Variants in ARIH1 observed in about 807,000 individuals in gnomAD.
ARIH1 encodes ariadne RBR E3 ubiquitin protein ligase 1.
ARIH1 carries 8 observed loss-of-function variants against 85.0 expected under a neutral mutation model. The ratio of observed to expected loss-of-function variants is 0.09; its 90% CI spans 0.06 to 0.17. The LOEUF (loss-of-function observed/expected upper bound fraction) is 0.17, where lower values mean the gene tolerates loss of function less well. Among genes scored for constraint, ARIH1 ranks in the 10% least tolerant of loss-of-function variants. The pLI, the probability that ARIH1 is intolerant of heterozygous loss-of-function variation, is 1.00. For synonymous variants in ARIH1, 238 were observed against 253.6 expected, an observed-to-expected ratio of 0.94 and a Z score of 0.59; for missense variants, 311 against 718.1, an observed-to-expected ratio of 0.43 and a Z score of 6.48.
intron 9 of ARIH1, among the ~76,000 whole-genome samples, chr15:72,568,823 G>A (rs907014140): frequency 6.6e-6 from 1 of 152,146 alleles, no homozygotes; most frequent in Admixed American, 6.5e-5. Context: ...TTAAAAAGTT[G>A]CTATATTGGC....
At chr15:72,518,021 G>A (rs2063982864) in intron 1 of ARIH1, 46 bp from the exon 2 acceptor site, 1 of 1,422,508 alleles carries the variant, frequency 7.0e-7, no homozygotes, top group Admixed American at 1.8e-5. Flanking sequence ...AAATGTCCAT[G>A]AAGTGCTATT....
intron 1 of ARIH1, among the ~76,000 whole-genome samples, chr15:72,495,142 A>G (rs1336839699): frequency 1.3e-5 from 2 of 152,184 alleles, no homozygotes; most frequent in Non-Finnish European, 2.9e-5. Context: ...ACTGTGTGGT[A>G]TCATTTATAC....
At position 72,534,196 on chromosome 15, in the gene ARIH1, G is replaced by A. The variant is rs547194748; in HGVS notation, c.444-10624G>A. On this transcript the variant is annotated intron_variant, in intron 2 of 13. Coordinates refer to ENST00000379887, the MANE Select transcript of ARIH1 (RefSeq NM_005744.5). Reference sequence around the variant, plus strand: ...TGAAACTAAGTTTATATTGTTTAAGGATGTGTGTTTAGGTGGTGTAGCTAT... The same window carrying A: ...TGAAACTAAGTTTATATTGTTTAAGAATGTGTGTTTAGGTGGTGTAGCTAT... Among the ~76,000 whole-genome samples, 6 of 152,198 alleles carry A rather than the reference G, an allele frequency of 3.9e-5. No homozygotes were observed. The South Asian group carries it at 1.2e-3, about 32-fold the overall frequency.
intron 1 of ARIH1, among the ~76,000 whole-genome samples, chr15:72,483,774 G>A (rs1208327635): frequency 1.3e-5 from 2 of 148,428 alleles, no homozygotes; most frequent in African/African-American, 2.5e-5. Flanking sequence ...AGAATTGGTA[G>A]GAATTTGAGA....
chr15:72,549,460 G>C (rs548151870), intron 3 of ARIH1, among the ~76,000 whole-genome samples: 1 of 152,132 alleles, frequency 6.6e-6, no homozygotes, highest in Non-Finnish European at 1.5e-5. Flanking sequence ...TAAAGGCAGA[G>C]TTGAAATTGT....
Position 72,491,568 on chromosome 15 carries a change from A to G in ARIH1, c.375+16554A>G, listed in dbSNP as rs535465236. Among the ~76,000 whole-genome samples the G allele has an allele frequency of 3.9e-5, 6 of 152,300 alleles. No individual in the cohort carries two copies. The South Asian group carries it at 1.0e-3, about 26-fold the overall frequency. On this transcript the variant is annotated intron_variant, in intron 1 of 13. Transcript: ENST00000379887. ...AAAGTCAGATATGAATGAATTTTCT[A>G]ATTGATTTTATTATTGATAAAAATA...
At chr15:72,556,834 T>G (rs1042514516) in intron 5 of ARIH1, among the ~76,000 whole-genome samples, 1 of 152,236 alleles carries the variant, frequency 6.6e-6, no homozygotes, top group Non-Finnish European at 1.5e-5. Context: ...ATTTCTGTGT[T>G]AATTCATTTA....
At chr15:72,494,047 C>A (rs1247970981) in intron 1 of ARIH1, among the ~76,000 whole-genome samples, 1 of 152,066 alleles carries the variant, frequency 6.6e-6, no homozygotes, top group African/African-American at 2.4e-5. Context: ...AGAACCCTTC[C>A]CTAACCTGAT....
chr15:72,492,141 T>C (rs8026681), intron 1 of ARIH1, among the ~76,000 whole-genome samples: 117,490 of 152,136 alleles, frequency 0.77, 51,578 homozygotes, highest in Non-Finnish European at 0.96. Context: ...ATTGCTGTTA[T>C]ATTTACTGTT....
intron 2 of ARIH1, among the ~76,000 whole-genome samples, chr15:72,536,517 A>G (rs1022022748): frequency 6.6e-6 from 1 of 152,208 alleles, no homozygotes; most frequent in African/African-American, 2.4e-5. Context: ...TTTTTATCGT[A>G]AAAGCTGAAT....
intron 3 of ARIH1, among the ~76,000 whole-genome samples, chr15:72,545,915 G>A (rs1294276201): frequency 5.3e-4 from 11 of 20,628 alleles, no homozygotes; most frequent in African/African-American, 5.8e-4. Flanking sequence ...GTCTTAAGAT[G>A]TCTAAGATAA....
At chr15:72,482,365 T>G (rs1481296499) in intron 1 of ARIH1, among the ~76,000 whole-genome samples, 2 of 152,146 alleles carry the variant, frequency 1.3e-5, no homozygotes, top group African/African-American at 4.8e-5. Context: ...AGCTGTTAGG[T>G]TAGTGAGTAA....
At chr15:72,518,392 A>G (rs2140411126) in intron 2 of ARIH1, among the ~76,000 whole-genome samples, 1 of 152,254 alleles carries the variant, frequency 6.6e-6, no homozygotes, top group South Asian at 2.1e-4. Flanking sequence ...TATCTTCTAC[A>G]TATATCCTCT....
At chr15:72,520,619 T>C (rs1328700652) in intron 2 of ARIH1, among the ~76,000 whole-genome samples, 2 of 152,188 alleles carry the variant, frequency 1.3e-5, no homozygotes, top group African/African-American at 4.8e-5. Flanking sequence ...CTCATCAGAT[T>C]TTCCTTTTTC....
intron 1 of ARIH1, among the ~76,000 whole-genome samples, chr15:72,514,150 T>G (rs578098860): frequency 6.6e-6 from 1 of 152,040 alleles, no homozygotes; most frequent in African/African-American, 2.4e-5. Flanking sequence ...TGTTTTTTGC[T>G]TTTTTGTCTG....
At chr15:72,543,036 G>T (rs892244660) in intron 2 of ARIH1, among the ~76,000 whole-genome samples, 1 of 150,638 alleles carries the variant, frequency 6.6e-6, no homozygotes, top group African/African-American at 2.4e-5. Flanking sequence ...GGATTCAAGC[G>T]GTTCTCATGC....
At chr15:72,532,580 A>T (rs1018150987) in intron 2 of ARIH1, among the ~76,000 whole-genome samples, 11 of 152,210 alleles carry the variant, frequency 7.2e-5, no homozygotes, top group South Asian at 4.1e-4. Flanking sequence ...CATAACCTTT[A>T]TACCAAAACC....
chr15:72,503,484 AT>A (rs2063912016), intron 1 of ARIH1, among the ~76,000 whole-genome samples: 1 of 152,072 alleles, frequency 6.6e-6, no homozygotes, highest in Admixed American at 6.5e-5. Flanking sequence ...GCTTCTTATG[AT>A]TTCAGTTCTG....
chr15:72,531,255 TTTTATTTA>T (rs369243037), intron 2 of ARIH1, among the ~76,000 whole-genome samples: 5,842 of 151,812 alleles, frequency 0.038, 327 homozygotes, highest in African/African-American at 0.13. Context: ...AAATCCACAT[TTTTATTTA>T]TTTATTTATT....
Sources: gnomAD v4.1 joint callset for allele counts (sites outside exome capture counted in the v4.1 genomes callset) on GRCh38, gnomAD v4.1.1 for gene constraint, MANE v1.5 for transcripts, NCBI Gene and HGNC (gene_info 2026-07-23, HGNC 2026-07-21) for gene names.